The following PTAFR variants were observed in gnomAD, a reference collection of about 807,000 sequenced individuals.
The protein encoded by PTAFR is platelet activating factor receptor.
PTAFR carries 8 observed loss-of-function variants against 14.7 expected under a neutral mutation model. The ratio of observed to expected loss-of-function variants is 0.54; its 90% confidence interval spans 0.32 to 0.98. The LOEUF (loss-of-function observed/expected upper bound fraction) is 0.98, where lower values mean the gene tolerates loss of function less well. Among genes scored for constraint, PTAFR ranks in the 50% least tolerant of loss-of-function variants. The pLI, the probability that PTAFR is intolerant of heterozygous loss-of-function variation, is 0.04. For synonymous variants in PTAFR, 156 were observed against 176.5 expected, an observed-to-expected ratio of 0.88 and a Z score of 0.92; for missense variants, 337 against 451.2, an observed-to-expected ratio of 0.75 and a Z score of 2.29.
At chr1:28,166,792 C>T (rs1291919377) in intron 1 of PTAFR, among the ~76,000 whole-genome samples, 2 of 151,982 alleles carry the variant, frequency 1.3e-5, no homozygotes, top group Non-Finnish European at 2.9e-5. Flanking sequence ...GCCTGGGCAA[C>T]GTAGCAAGAT....
At chr1:28,184,365 T>C (rs1646589027) in intron 1 of PTAFR, among the ~76,000 whole-genome samples, 1 of 152,066 alleles carries the variant, frequency 6.6e-6, no homozygotes, top group Non-Finnish European at 1.5e-5. Flanking sequence ...AGTGCTGGGA[T>C]TACAGGTGTG....
chr1:28,150,121 G>T lies in PTAFR; in HGVS notation c.901C>A (p.Arg301Ser), dbSNP rs777911384. ...TAGAACTTTTCGGTGAGGTGCTTGC[G>T]GAACTTCTTGGTGAGGAAACAGTAG... is the stretch of plus-strand genomic sequence containing the variant. ...VIYCFLTKKF[R>S]KHLTEKFYSM... is the part of the protein sequence containing the mutation. Residue 301 changes from arginine (R) to serine (S), a missense_variant, in exon 2 of 2, where the codon CGC becomes AGC. Transcript: ENST00000373857. The surrounding 1 kb of genome is among the most constrained non-coding windows in gnomAD (Gnocchi z 6.3). 1 of 1,614,134 alleles carries T rather than the reference G, an allele frequency of 6.2e-7. No individual in the cohort carries two copies. Among genetic ancestry groups the T allele is most frequent in the African/African-American group, 1.3e-5 (1 of 75,024 alleles).
At chr1:28,170,615 A>G (rs952564849) in intron 1 of PTAFR, among the ~76,000 whole-genome samples, 1 of 152,182 alleles carries the variant, frequency 6.6e-6, no homozygotes, top group African/African-American at 2.4e-5. Flanking sequence ...ATGGAGGCTG[A>G]GGCTGCAGGA....
chr1:28,187,783 A>G (rs1646619029), intron 1 of PTAFR, among the ~76,000 whole-genome samples: 1 of 152,240 alleles, frequency 6.6e-6, no homozygotes. Flanking sequence ...ATGCCCAGCC[A>G]AGAAAACTTC....
chr1:28,149,927 C>T lies in PTAFR; in HGVS notation c.*66G>A, dbSNP rs529891176. The T allele has an allele frequency of 6.5e-7, 1 of 1,541,226 alleles. No individual in the cohort carries two copies. The highest frequency in any genetic ancestry group is 2.3e-5 in the East Asian group (1 of 44,380). Reference sequence around the variant, plus strand: ...GTGGTGCCCAGACCACAGTAGATATCCCTTCTTCCCCCAGCTCAGTCCATG... The same window carrying T: ...GTGGTGCCCAGACCACAGTAGATATTCCTTCTTCCCCCAGCTCAGTCCATG... On this transcript the variant is annotated 3_prime_UTR_variant, in exon 2 of 2. Transcript: ENST00000373857.
upstream of PTAFR, among the ~76,000 whole-genome samples, chr1:28,178,452 G>C (rs1646535973): frequency 1.3e-5 from 2 of 151,718 alleles, no homozygotes; most frequent in South Asian, 4.2e-4. Context: ...GTAGAGACGG[G>C]GTTTCACCAT....
At chr1:28,171,382 TAC>T (rs1646452791) in intron 1 of PTAFR, among the ~76,000 whole-genome samples, 1 of 151,966 alleles carries the variant, frequency 6.6e-6, no homozygotes, top group Admixed American at 6.6e-5. Flanking sequence ...AGACAACCTC[TAC>T]AGTGCTAGGC....
Position 28,149,168 on chromosome 1 carries a change from T to G in PTAFR, c.*825A>C, listed in dbSNP as rs145612617. On this transcript the variant is annotated 3_prime_UTR_variant, in exon 2 of 2. Coordinates refer to ENST00000373857, the MANE Select transcript of PTAFR (RefSeq NM_000952.5). ...TCAGAGAAGGTTCCATCAAGCCCCT[T>G]CCCCTGAGAAAGGTCACAAAGACCT... is the stretch of plus-strand genomic sequence containing the variant. 3.6e-4 allele frequency: 55 copies of G among 152,200 alleles called. No homozygotes were observed. Among genetic ancestry groups the G allele is most frequent in the Admixed American group, 1.5e-3 (23 of 15,268 alleles). 9.4% of individuals were successfully genotyped at this position (152,200 alleles called of 1,614,324 possible). A position where few individuals can be genotyped will look rare whatever the true frequency, so the allele number is the denominator to read the frequency against.
At chr1:28,168,641 G>C (rs1275081576) in intron 1 of PTAFR, among the ~76,000 whole-genome samples, 1 of 152,122 alleles carries the variant, frequency 6.6e-6, no homozygotes, top group Non-Finnish European at 1.5e-5. Flanking sequence ...CAGATGTAGA[G>C]TTTCAGTCAT....
At chr1:28,179,349 C>T (rs1490249755), upstream of PTAFR, among the ~76,000 whole-genome samples, 1 of 152,212 alleles carries the variant, frequency 6.6e-6, no homozygotes, top group East Asian at 1.9e-4. Context: ...TAGTCCCTTC[C>T]ATGCGCGCAT....
intron 1 of PTAFR, among the ~76,000 whole-genome samples, chr1:28,162,500 T>C (rs149935742): frequency 6.6e-6 from 1 of 152,212 alleles, no homozygotes; most frequent in African/African-American, 2.4e-5. Context: ...AAATGCAGAA[T>C]CTTGGGTCCC....
chr1:28,147,458 G>T lies in PTAFR; in HGVS notation c.*2535C>A, dbSNP rs1025341640. The T allele has an allele frequency of 6.6e-6, 1 of 152,182 alleles. No homozygotes were observed. The highest frequency in any genetic ancestry group is 1.5e-5 in the Non-Finnish European group (1 of 68,048). 9.4% of individuals were successfully genotyped at this position (152,182 alleles called of 1,614,324 possible). A position where few individuals can be genotyped will look rare whatever the true frequency, so the allele number is the denominator to read the frequency against. ...CGGCAGGTCCCTGGAGGCGGTGCCC[G>T]GCTGCTCTCCAGGCGCCTGTGATTC... On this transcript the variant is annotated 3_prime_UTR_variant, in exon 2 of 2. Coordinates refer to ENST00000373857, the MANE Select transcript of PTAFR (RefSeq NM_000952.5).
chr1:28,157,950 CCTT>C (rs992147587), intron 1 of PTAFR, among the ~76,000 whole-genome samples: 4 of 151,848 alleles, frequency 2.6e-5, no homozygotes, highest in East Asian at 3.9e-4. Flanking sequence ...TTTAAAAAAA[CCTT>C]CTCACCATGT....
chr1:28,172,870 C>T (rs1016983467), intron 1 of PTAFR, among the ~76,000 whole-genome samples: 4 of 151,880 alleles, frequency 2.6e-5, no homozygotes, highest in Non-Finnish European at 4.4e-5. Context: ...CCTCGCTTAT[C>T]TCAAAGCATT....
chr1:28,187,506 GA>G (rs199780057), intron 1 of PTAFR, among the ~76,000 whole-genome samples: 3 of 151,946 alleles, frequency 2.0e-5, no homozygotes, highest in African/African-American at 4.8e-5. Context: ...AGGGGTGAGA[GA>G]AAAAAAAATT....
rs181730652 is a variant in PTAFR at position 28,163,511 on chromosome 1, A to C, written c.-38-12452T>G. Among the ~76,000 whole-genome samples the C allele has an allele frequency of 4.2e-4, 64 of 152,316 alleles. No individual in the cohort carries two copies. The East Asian group carries it at 0.012, about 28-fold the overall frequency. On this transcript the variant is annotated intron_variant, in intron 1 of 1. Coordinates refer to ENST00000373857, the MANE Select transcript of PTAFR (RefSeq NM_000952.5). ...GGGGTGGAGTGGGTTAGGGAGAACA[A>C]GGTCTCTGGAGTCAGAAAGGTCTAC...
At position 28,148,824 on chromosome 1, in the gene PTAFR, T is replaced by C. The variant is rs1646144880; in HGVS notation, c.*1169A>G. 1 of 152,366 alleles carries C rather than the reference T, an allele frequency of 6.6e-6. No homozygotes were observed. 9.4% of individuals were successfully genotyped at this position (152,366 alleles called of 1,614,324 possible). On this transcript the variant is annotated 3_prime_UTR_variant, in exon 2 of 2. Coordinates refer to ENST00000373857, the MANE Select transcript of PTAFR (RefSeq NM_000952.5). ...CTGGTCTCGAACTCCGGACCTCAGGTGATCTGCCTGCCTTGGCCTCCCAAA... is the reference window on the plus strand; with the variant it reads ...CTGGTCTCGAACTCCGGACCTCAGGCGATCTGCCTGCCTTGGCCTCCCAAA...
chr1:28,158,645 C>CT (rs1375088724), intron 1 of PTAFR, among the ~76,000 whole-genome samples: 5 of 152,104 alleles, frequency 3.3e-5, no homozygotes, highest in African/African-American at 1.2e-4. Flanking sequence ...TTGCAGTGAG[C>CT]TAAGATCATG....
chr1:28,164,055 C>T (rs905920459), intron 1 of PTAFR, among the ~76,000 whole-genome samples: 25 of 152,120 alleles, frequency 1.6e-4, no homozygotes, highest in African/African-American at 5.6e-4. Context: ...GTGCAGCATT[C>T]GGCCCTCATC....
Sources: allele counts gnomAD v4.1 joint callset (sites outside exome capture counted in the v4.1 genomes callset), GRCh38; gene constraint gnomAD v4.1.1; non-coding constraint Gnocchi (gnomAD v3.1); transcripts MANE v1.5; gene names NCBI Gene and HGNC (gene_info 2026-07-23, HGNC 2026-07-21).